Variants in COBL observed in about 807,000 individuals in gnomAD.
COBL encodes protein cordon-bleu.
In COBL, 51 loss-of-function variants were observed where a neutral mutation model predicts 98.8. The ratio of observed to expected loss-of-function variants is 0.52; its 90% confidence interval spans 0.41 to 0.65. The LOEUF is 0.65. Ranked by LOEUF, COBL falls within the 30% of genes least tolerant of loss-of-function variation. The pLI, the probability that COBL is intolerant of heterozygous loss-of-function variation, is 0.00. For synonymous variants in COBL, 634 were observed against 651.7 expected (o/e 0.97, Z 0.41); for missense variants, 1,617 against 1,617.5 (o/e 1.00, Z 0.01).
At chr7:51,160,464 A>G (rs986508233) in intron 5 of COBL, among the ~76,000 whole-genome samples, 1 of 152,218 alleles carries the variant, frequency 6.6e-6, no homozygotes, top group African/African-American at 2.4e-5. Context: ...AAAACCTCCC[A>G]AATGAAAAAA....
chr7:51,083,591 A>C (rs1370681883), intron 7 of COBL, among the ~76,000 whole-genome samples: 1 of 152,176 alleles, frequency 6.6e-6, no homozygotes, highest in Non-Finnish European at 1.5e-5. Flanking sequence ...TCCTTTTATT[A>C]ATGTTAGTCT....
At chr7:51,049,741 G>T (rs970189995) in intron 7 of COBL, among the ~76,000 whole-genome samples, 1 of 152,178 alleles carries the variant, frequency 6.6e-6, no homozygotes, top group Non-Finnish European at 1.5e-5. Context: ...CAGGCTGCAT[G>T]AGAAACATCA....
In COBL at chr7:51,029,484, C is replaced by A; in HGVS notation, c.1612G>T (p.Ala538Ser). The A allele has an allele frequency of 1.2e-6, 2 of 1,614,148 alleles. No homozygotes were observed. The highest frequency in any genetic ancestry group is 8.5e-7 in the Non-Finnish European group (1 of 1,180,016). The change falls in exon 10 of 13, where the codon GCA becomes TCA. Residue 538 changes from alanine (A) to serine (S), a missense_variant. Transcript: ENST00000265136. Reference sequence around the variant, plus strand: ...TCCCCTATGAATGTTACTGGGATTGCATCTGTGTCGCCGTGAGGGATCATG... The same window carrying A: ...TCCCCTATGAATGTTACTGGGATTGAATCTGTGTCGCCGTGAGGGATCATG... ...DAMIPHGDTD[A>S]IPVTFIGEVS...
At chr7:51,139,568 A>AG (rs1799545013) in intron 5 of COBL, among the ~76,000 whole-genome samples, 1 of 152,216 alleles carries the variant, frequency 6.6e-6, no homozygotes, top group African/African-American at 2.4e-5. Flanking sequence ...GGTCGATTGC[A>AG]GGGTCCAGTG....
intron 5 of COBL, among the ~76,000 whole-genome samples, chr7:51,167,166 C>T (rs1224786175): frequency 6.6e-6 from 1 of 152,122 alleles, no homozygotes; most frequent in African/African-American, 2.4e-5. Flanking sequence ...TCAAATTATC[C>T]TTGTTTGCAG....
chr7:51,088,347 C>T (rs1037951336), intron 6 of COBL, among the ~76,000 whole-genome samples: 1 of 106,268 alleles, frequency 9.4e-6, no homozygotes, highest in Non-Finnish European at 2.0e-5. Flanking sequence ...GATTTCCCCC[C>T]CTCTTGGAAA....
chr7:51,153,469 A>C (rs1361877956), intron 5 of COBL, among the ~76,000 whole-genome samples: 2 of 152,228 alleles, frequency 1.3e-5, no homozygotes, highest in Admixed American at 1.3e-4. Flanking sequence ...TTAATGTTTC[A>C]TTACTGAGAA....
Position 51,105,724 on chromosome 7 carries a change from C to T in COBL, c.958-20420G>A, listed in dbSNP as rs1232860635. Among the ~76,000 whole-genome samples, 3 of 152,218 alleles carry T rather than the reference C, an allele frequency of 2.0e-5. No homozygotes were observed. The East Asian group carries it at 5.8e-4, about 30-fold the overall frequency. ...TGTGATCGTTCTACTGCACTGCACT[C>T]CAGCCTGGGCAACAGAACAAGACCC... On this transcript the variant is annotated intron_variant, in intron 6 of 12. Transcript: ENST00000265136.
intron 5 of COBL, among the ~76,000 whole-genome samples, chr7:51,158,746 G>A (rs1233890369): frequency 6.6e-6 from 1 of 152,180 alleles, no homozygotes; most frequent in Non-Finnish European, 1.5e-5. Flanking sequence ...CATTCCTAAT[G>A]AAATGAAATC....
At chr7:51,098,693 A>G (rs1795531293) in intron 6 of COBL, among the ~76,000 whole-genome samples, 1 of 152,050 alleles carries the variant, frequency 6.6e-6, no homozygotes, top group Non-Finnish European at 1.5e-5. Flanking sequence ...ATGACATTCT[A>G]TTTGGCAATG....
intron 1 of COBL, among the ~76,000 whole-genome samples, chr7:51,248,427 C>CCCA (rs1796450498): frequency 6.6e-6 from 1 of 152,010 alleles, no homozygotes; most frequent in Non-Finnish European, 1.5e-5. Context: ...TTCAGAAGAC[C>CCCA]CCAGGAACCA....
chr7:51,097,448 A>G (rs1795372754), intron 6 of COBL, among the ~76,000 whole-genome samples: 2 of 152,208 alleles, frequency 1.3e-5, no homozygotes, highest in South Asian at 2.1e-4. Flanking sequence ...AGTCCTAGCC[A>G]TAACAATTAG....
intron 5 of COBL, among the ~76,000 whole-genome samples, chr7:51,155,421 C>T (rs1786020979): frequency 6.6e-6 from 1 of 151,588 alleles, no homozygotes; most frequent in African/African-American, 2.4e-5. Context: ...AACCCCATCT[C>T]TACTAAAAAT....
At chr7:51,313,281 C>G (rs1722031248) in intron 1 of COBL, among the ~76,000 whole-genome samples, 1 of 152,150 alleles carries the variant, frequency 6.6e-6, no homozygotes, top group African/African-American at 2.4e-5. Flanking sequence ...GGGTTTCATA[C>G]AAAATGTCAC....
intron 3 of COBL, among the ~76,000 whole-genome samples, chr7:51,191,695 G>T (rs187651668): frequency 3.9e-5 from 6 of 152,036 alleles, no homozygotes; most frequent in African/African-American, 1.4e-4. Flanking sequence ...AAAAACACCA[G>T]GCATATATAA....
rs202161212 is a variant in COBL at position 51,107,084 on chromosome 7, G to GT, written c.958-21781dup. Among the ~76,000 whole-genome samples, 973 of 109,152 alleles carry GT rather than the reference G, an allele frequency of 8.9e-3. 62 individuals carry two copies. The highest frequency in any genetic ancestry group is 0.027 in the African/African-American group (781 of 29,232). 71.6% of individuals were successfully genotyped at this position (109,152 alleles called of 152,430 possible). ...ACTTAACACTTTTTTTGTGATCCTA[G>GT]TTTGTTTGTTTTTTTTTTTTTTTTT... On this transcript the variant is annotated intron_variant, in intron 6 of 12. Coordinates refer to ENST00000265136, the MANE Select transcript of COBL (RefSeq NM_015198.5).
At chr7:51,230,291 G>A (rs1161053713) in intron 1 of COBL, among the ~76,000 whole-genome samples, 1 of 152,052 alleles carries the variant, frequency 6.6e-6, no homozygotes, top group Non-Finnish European at 1.5e-5. Context: ...AGCTCTCCGG[G>A]GCACCACTGC....
At chr7:51,059,519 T>G (rs2128908326) in intron 7 of COBL, among the ~76,000 whole-genome samples, 1 of 152,172 alleles carries the variant, frequency 6.6e-6, no homozygotes, top group South Asian at 2.1e-4. Context: ...ATCTTAAGGC[T>G]TTGGGGAACT....
chr7:51,253,061 A>G (rs1206346874), intron 1 of COBL, among the ~76,000 whole-genome samples: 1 of 151,808 alleles, frequency 6.6e-6, no homozygotes, highest in East Asian at 1.9e-4. Flanking sequence ...CGTCTCTACT[A>G]AAAAATACAA....
Sources: allele counts gnomAD v4.1 joint callset (sites outside exome capture counted in the v4.1 genomes callset), GRCh38; gene constraint gnomAD v4.1.1; transcripts MANE v1.5; gene names NCBI Gene and HGNC (gene_info 2026-07-23, HGNC 2026-07-21).